Variants in CAMK2B observed in about 807,000 individuals in gnomAD.
CAMK2B encodes calcium/calmodulin dependent protein kinase II beta, also known as calcium/calmodulin-dependent protein kinase type II subunit beta.
Under a neutral mutation model 93.7 loss-of-function variants are expected in CAMK2B, and 27 were observed. That is an observed-to-expected ratio of 0.29 (90% CI 0.21 to 0.40). The LOEUF (loss-of-function observed/expected upper bound fraction) is 0.40, where lower values mean the gene tolerates loss of function less well. CAMK2B is among the 10% of genes least tolerant of loss of function. The pLI is 1.00. For synonymous variants in CAMK2B, 374 were observed against 358.8 expected (o/e 1.04, Z -0.48); for missense variants, 568 against 895.8 (o/e 0.63, Z 4.67).
chr7:44,269,688 G>A (rs557617000), intron 2 of CAMK2B, among the ~76,000 whole-genome samples: 2 of 152,302 alleles, frequency 1.3e-5, no homozygotes, highest in East Asian at 3.9e-4. Flanking sequence ...GCACTGGGCG[G>A]GGGCGGCGGA....
chr7:44,222,928 C>T (rs770375005), intron 20 of CAMK2B, among the ~76,000 whole-genome samples: 3 of 152,214 alleles, frequency 2.0e-5, no homozygotes, highest in Non-Finnish European at 4.4e-5. Context: ...TGTGCTGCAC[C>T]TGTCTGCTCT....
chr7:44,278,032 C>G (rs1386099711), intron 2 of CAMK2B, among the ~76,000 whole-genome samples: 1 of 152,206 alleles, frequency 6.6e-6, no homozygotes, highest in Non-Finnish European at 1.5e-5. Flanking sequence ...GCCAGGAGGC[C>G]ATCAGATGAA....
At chr7:44,264,943 G>A (rs1399298917) in intron 2 of CAMK2B, among the ~76,000 whole-genome samples, 1 of 152,166 alleles carries the variant, frequency 6.6e-6, no homozygotes, top group Non-Finnish European at 1.5e-5. Flanking sequence ...CATGCACAAG[G>A]CCTGGCTCCA....
At chr7:44,272,536 G>T (rs537945122) in intron 2 of CAMK2B, among the ~76,000 whole-genome samples, 1 of 152,228 alleles carries the variant, frequency 6.6e-6, no homozygotes, top group African/African-American at 2.4e-5. Context: ...TCCACCACCC[G>T]CAAGAAGCAC....
rs1238433773 is a variant in CAMK2B at position 44,234,403 on chromosome 7, G to C, written c.1118C>G (p.Pro373Arg). 4 of 1,532,550 alleles carry C rather than the reference G, an allele frequency of 2.6e-6. No individual in the cohort carries two copies. Among genetic ancestry groups the C allele is most frequent in the Non-Finnish European group, 3.5e-6 (4 of 1,143,054 alleles). 94.9% of individuals were successfully genotyped at this position (1,532,550 alleles called of 1,614,324 possible). A position where few individuals can be genotyped will look rare whatever the true frequency, so the allele number is the denominator to read the frequency against. The change falls in exon 15 of 24, where the codon CCT becomes CGT. Residue 373 changes from proline to arginine, a missense_variant. By Grantham distance (103) the Pro-to-Arg change is moderately radical. Transcript: ENST00000395749. ...GGAGCTCAGTACCAGGGCGGCAGGA[G>C]GAAGCGTCCCTTTGGGGCTGGTGGC... Reference protein sequence around the residue: ...AAATSPKGTLPPAALEPQTTV... With the variant: ...AAATSPKGTLRPAALEPQTTV...
chr7:44,319,862 T>C (rs545375447), intron 1 of CAMK2B, among the ~76,000 whole-genome samples: 2 of 152,316 alleles, frequency 1.3e-5, no homozygotes, highest in Middle Eastern at 3.4e-3. Context: ...CATGAAAGTG[T>C]TGGGCAAACA....
intron 1 of CAMK2B, among the ~76,000 whole-genome samples, chr7:44,294,061 C>T (rs1787608389): frequency 6.6e-6 from 1 of 152,098 alleles, no homozygotes; most frequent in South Asian, 2.1e-4. Context: ...CCGACTGGCT[C>T]CCAAGGCACC....
chr7:44,251,463 T>C (rs1217934191), intron 5 of CAMK2B, among the ~76,000 whole-genome samples: 1 of 152,170 alleles, frequency 6.6e-6, no homozygotes, highest in African/African-American at 2.4e-5. Flanking sequence ...AGCCCAAGGC[T>C]GCTGAAGCCC....
chr7:44,262,542 C>T (rs1300597991), intron 3 of CAMK2B, among the ~76,000 whole-genome samples: 8 of 152,236 alleles, frequency 5.3e-5, no homozygotes. Context: ...ATTGGGCCAT[C>T]TTGTGGCTTT....
chr7:44,256,770 G>C (rs113448259), intron 4 of CAMK2B, among the ~76,000 whole-genome samples: 34 of 152,360 alleles, frequency 2.2e-4, no homozygotes, highest in African/African-American at 8.2e-4. Flanking sequence ...GGCTGATGCA[G>C]GCCCTCTGGT....
chr7:44,234,452 T>C lies in CAMK2B; in HGVS notation c.1069A>G (p.Asn357Asp), dbSNP rs984553405. 6.4e-7 allele frequency: 1 copy of C among 1,563,220 alleles called. No homozygotes were observed. Among genetic ancestry groups the C allele is most frequent in the Non-Finnish European group, 8.6e-7 (1 of 1,157,816 alleles). The change falls in exon 15 of 24, where the codon AAT (asparagine) becomes GAT (aspartate). Residue 357 changes from asparagine (N) to aspartate (D), a missense_variant. Coordinates refer to ENST00000395749, the MANE Select transcript of CAMK2B (RefSeq NM_001220.5). Reference protein sequence around the residue: ...KKADGVKPQTNSTKNSAAATS... With the variant: ...KKADGVKPQTDSTKNSAAATS... Reference sequence around the variant, plus strand: ...GCGGCTGCACTGTTTTTGGTGCTATTCGTCTGGGGCTGTGGAGAGAGGGAA... The same window carrying C: ...GCGGCTGCACTGTTTTTGGTGCTATCCGTCTGGGGCTGTGGAGAGAGGGAA...
At chr7:44,295,537 C>T (rs961656539) in intron 1 of CAMK2B, among the ~76,000 whole-genome samples, 2 of 152,204 alleles carry the variant, frequency 1.3e-5, no homozygotes, top group Non-Finnish European at 2.9e-5. Flanking sequence ...GCCAGATGCT[C>T]AGTGTGGACA....
Position 44,225,039 on chromosome 7 carries a change from C to T in CAMK2B, c.1597+1477G>A, listed in dbSNP as rs897781193. Reference sequence around the variant, plus strand: ...AGCTCCTTCCTGCAGCCCCCTCCTCCCCAGCCAAGCTCAGGGAAGACTCTG... The same window carrying T: ...AGCTCCTTCCTGCAGCCCCCTCCTCTCCAGCCAAGCTCAGGGAAGACTCTG... On this transcript the variant is annotated intron_variant, in intron 20 of 23. Coordinates refer to ENST00000395749, the MANE Select transcript of CAMK2B (RefSeq NM_001220.5). The surrounding 1 kb of genome is among the most constrained non-coding windows in gnomAD (Gnocchi z 5.0). Among the ~76,000 whole-genome samples, 2 of 152,042 alleles carry T rather than the reference C, an allele frequency of 1.3e-5. No individual in the cohort carries two copies. The highest frequency in any genetic ancestry group is 4.8e-5 in the African/African-American group (2 of 41,396).
At chr7:44,291,366 A>C (rs1035495407) in intron 1 of CAMK2B, among the ~76,000 whole-genome samples, 87 of 152,250 alleles carry the variant, frequency 5.7e-4, no homozygotes, top group African/African-American at 2.1e-3. Flanking sequence ...CTACCGCCCC[A>C]CTGGCAAGAC....
Position 44,225,856 on chromosome 7 carries a change from G to A in CAMK2B, c.1597+660C>T. 7.8e-7 allele frequency: 1 copy of A among 1,289,408 alleles called. No homozygotes were observed. Among genetic ancestry groups the A allele is most frequent in the Non-Finnish European group, 1.0e-6 (1 of 988,730 alleles). 79.9% of individuals were successfully genotyped at this position (1,289,408 alleles called of 1,614,324 possible). A position where few individuals can be genotyped will look rare whatever the true frequency, so the allele number is the denominator to read the frequency against. On this transcript the variant is annotated intron_variant, in intron 20 of 23. Coordinates refer to ENST00000395749, the MANE Select transcript of CAMK2B (RefSeq NM_001220.5). The surrounding 1 kb of genome is among the most constrained non-coding windows in gnomAD (Gnocchi z 5.0). ...CCCCCAGTCTGGTGTCTCCCCACAG[G>A]TGGGGGTGGCAGCAGCCCTGGGATG...
At chr7:44,300,012 GTA>G (rs1278061555) in intron 1 of CAMK2B, among the ~76,000 whole-genome samples, 5 of 117,584 alleles carry the variant, frequency 4.3e-5, no homozygotes, top group Admixed American at 2.0e-4. Context: ...ATGTATATGT[GTA>G]TGTGTCTGTG....
At chr7:44,240,855 G>T in intron 11 of CAMK2B, 106 bp from the exon 12 acceptor site, 3 of 1,183,114 alleles carry the variant, frequency 2.5e-6, no homozygotes, top group Non-Finnish European at 3.7e-6. Context: ...CAGCCTCATT[G>T]TCATGAGGCT....
chr7:44,220,012 C>A, intron 23 of CAMK2B, 48 bp downstream of exon 23: 1 of 1,459,158 alleles, frequency 6.9e-7, no homozygotes, highest in Non-Finnish European at 9.2e-7. Flanking sequence ...GCCACTCACA[C>A]CACCGCCACC....
chr7:44,295,960 G>A (rs1042412319), intron 1 of CAMK2B, among the ~76,000 whole-genome samples: 1 of 152,158 alleles, frequency 6.6e-6, no homozygotes, highest in African/African-American at 2.4e-5. Context: ...AATTATAGGA[G>A]TACAGAATGC....
Sources: allele counts gnomAD v4.1 joint callset (sites outside exome capture counted in the v4.1 genomes callset), GRCh38; gene constraint gnomAD v4.1.1; non-coding constraint Gnocchi (gnomAD v3.1); transcripts MANE v1.5; gene names NCBI Gene and HGNC (gene_info 2026-07-23, HGNC 2026-07-21).